Variants in STAG1 observed in about 807,000 individuals in gnomAD.
STAG1 encodes cohesin subunit SA-1.
In STAG1, 26 loss-of-function variants were observed where a neutral mutation model predicts 170.9. That is an observed-to-expected ratio of 0.15 (90% confidence interval 0.11 to 0.21). The LOEUF is 0.21. STAG1 is among the 10% of genes least tolerant of loss of function. The pLI, the probability that STAG1 is intolerant of heterozygous loss-of-function variation, is 1.00. For missense variants in STAG1, 964 were observed against 1,509.5 expected, an observed-to-expected ratio of 0.64 and a Z score of 5.99; for synonymous variants, 514 against 497.7, an observed-to-expected ratio of 1.03 and a Z score of -0.44.
intron 12 of STAG1, among the ~76,000 whole-genome samples, chr3:136,469,589 C>T (rs1288489160): frequency 1.3e-5 from 2 of 152,200 alleles, no homozygotes; most frequent in African/African-American, 4.8e-5. Context: ...AATGCCATCC[C>T]CATCAAGCTA....
chr3:136,667,850 AT>A (rs1281585191), intron 1 of STAG1, among the ~76,000 whole-genome samples: 1 of 152,028 alleles, frequency 6.6e-6, no homozygotes, highest in African/African-American at 2.4e-5. Flanking sequence ...TTAAATACTT[AT>A]TTTTTAAAAA....
intron 1 of STAG1, among the ~76,000 whole-genome samples, chr3:136,634,033 C>G (rs1296570157): frequency 1.4e-5 from 2 of 142,230 alleles, no homozygotes; most frequent in Non-Finnish European, 1.5e-5. Context: ...CCCAGCTACT[C>G]AGGAGGCTGA....
intron 1 of STAG1, among the ~76,000 whole-genome samples, chr3:136,699,178 C>T (rs1027574437): frequency 2.0e-5 from 3 of 152,020 alleles, no homozygotes; most frequent in African/African-American, 7.3e-5. Flanking sequence ...AAGAATTTAT[C>T]CATGTAACGA....
intron 5 of STAG1, 133 bp downstream of exon 5, chr3:136,568,632 C>A: frequency 1.4e-6 from 1 of 700,298 alleles, no homozygotes. Context: ...CAATAATATT[C>A]TCTATCAGAA....
At chr3:136,521,542 T>C in intron 6 of STAG1, 125 bp from the exon 7 acceptor site, 1 of 681,390 alleles carries the variant, frequency 1.5e-6, no homozygotes, top group Non-Finnish European at 2.5e-6. Flanking sequence ...AATAGGTGAC[T>C]TTCATAGCAC....
At chr3:136,468,706 T>A (rs1334776171) in intron 12 of STAG1, among the ~76,000 whole-genome samples, 1 of 152,066 alleles carries the variant, frequency 6.6e-6, no homozygotes, top group African/African-American at 2.4e-5. Flanking sequence ...TAGACCAATA[T>A]CCCTGATGAA....
chr3:136,667,740 C>G (rs925752163), intron 1 of STAG1, among the ~76,000 whole-genome samples: 2 of 152,178 alleles, frequency 1.3e-5, no homozygotes, highest in African/African-American at 4.8e-5. Context: ...AAGTGATCTG[C>G]CCGCCTTGGC....
chr3:136,409,037 G>A (rs549553222), intron 21 of STAG1, among the ~76,000 whole-genome samples: 2 of 152,010 alleles, frequency 1.3e-5, no homozygotes, highest in African/African-American at 4.8e-5. Context: ...AGGCCGAGGC[G>A]GGTGGATCAC....
chr3:136,633,840 C>G (rs1156235424), intron 1 of STAG1, among the ~76,000 whole-genome samples: 2 of 149,178 alleles, frequency 1.3e-5, no homozygotes, highest in East Asian at 4.1e-4. Flanking sequence ...AATTTAAAAA[C>G]TGGCCAGGCA....
chr3:136,611,361 C>A (rs574733042), intron 3 of STAG1, among the ~76,000 whole-genome samples: 1 of 152,196 alleles, frequency 6.6e-6, no homozygotes, highest in East Asian at 1.9e-4. Context: ...GTTGGTCAGG[C>A]TGGTCTCGAA....
chr3:136,605,862 G>A (rs891770653), intron 3 of STAG1, among the ~76,000 whole-genome samples: 1 of 152,200 alleles, frequency 6.6e-6, no homozygotes, highest in East Asian at 1.9e-4. Flanking sequence ...GGCATAGCTT[G>A]GAGGGGCTTC....
chr3:136,560,550 T>C (rs1936799455), intron 5 of STAG1, among the ~76,000 whole-genome samples: 1 of 152,204 alleles, frequency 6.6e-6, no homozygotes, highest in African/African-American at 2.4e-5. Context: ...CAACAGTGTT[T>C]AAATCAACTT....
chr3:136,676,094 T>C (rs1332542038), intron 1 of STAG1, among the ~76,000 whole-genome samples: 1 of 152,230 alleles, frequency 6.6e-6, no homozygotes, highest in Non-Finnish European at 1.5e-5. Flanking sequence ...TTTGTGTATC[T>C]AAACATAGAA....
intron 22 of STAG1, among the ~76,000 whole-genome samples, 166 bp downstream of exon 22, chr3:136,398,583 G>T (rs556620496): frequency 6.6e-6 from 1 of 152,056 alleles, no homozygotes; most frequent in South Asian, 2.1e-4. Flanking sequence ...AGAGGTAAAT[G>T]TATACTTACT....
chr3:136,372,445 T>G (rs1226513321), intron 23 of STAG1, among the ~76,000 whole-genome samples: 5 of 152,160 alleles, frequency 3.3e-5, no homozygotes, highest in Admixed American at 1.3e-4. Context: ...AAGGGAATGC[T>G]TCCAGTTTTT....
At chr3:136,403,727 A>C (rs997484807) in intron 21 of STAG1, among the ~76,000 whole-genome samples, 2 of 152,130 alleles carry the variant, frequency 1.3e-5, no homozygotes, top group Non-Finnish European at 2.9e-5. Flanking sequence ...CTTTCCTTCT[A>C]CTTTTCTATT....
intron 13 of STAG1, among the ~76,000 whole-genome samples, chr3:136,454,418 G>A (rs1206543805): frequency 3.3e-5 from 5 of 151,302 alleles, no homozygotes; most frequent in Admixed American, 2.6e-4. Flanking sequence ...TCACTCTGTC[G>A]GCCTGGCTGG....
chr3:136,340,631 A>G, intron 31 of STAG1, 26 bp from the exon 32 acceptor site: 4 of 1,484,896 alleles, frequency 2.7e-6, no homozygotes, highest in Non-Finnish European at 3.8e-6. Context: ...TATTGTCAGA[A>G]AGCTCATCAG....
chr3:136,347,780 G>C (rs1328111404), intron 29 of STAG1, among the ~76,000 whole-genome samples: 1 of 152,216 alleles, frequency 6.6e-6, no homozygotes, highest in Non-Finnish European at 1.5e-5. Context: ...ACTGTGCTCA[G>C]TACTGTGTGT....
Sources: gnomAD v4.1 joint callset for allele counts (sites outside exome capture counted in the v4.1 genomes callset) on GRCh38, gnomAD v4.1.1 for gene constraint, MANE v1.5 for transcripts, NCBI Gene and HGNC (gene_info 2026-07-23, HGNC 2026-07-21) for gene names.